CLMN: variants seen among roughly 807,000 people sequenced by gnomAD.
CLMN encodes the protein calmin (calponin-like, transmembrane).
A neutral mutation model predicts 92.7 loss-of-function variants in CLMN; 57 were observed. The ratio of observed to expected loss-of-function variants is 0.61; its 90% CI spans 0.50 to 0.77. The LOEUF (loss-of-function observed/expected upper bound fraction) is 0.77, where lower values mean the gene tolerates loss of function less well. CLMN is among the 30% of genes least tolerant of loss of function. CLMN has a pLI of 0.00. For synonymous variants in CLMN, 466 were observed against 470.6 expected, an observed-to-expected ratio of 0.99 and a Z score of 0.13; for missense variants, 1,158 against 1,237.5, an observed-to-expected ratio of 0.94 and a Z score of 0.96.
At chr14:95,219,186 C>A (rs1566874677) in intron 4 of CLMN, among the ~76,000 whole-genome samples, 1 of 152,226 alleles carries the variant, frequency 6.6e-6, no homozygotes, top group Non-Finnish European at 1.5e-5. Context: ...CTGCTGGAAG[C>A]AAACCTAGGA....
chr14:95,300,509 T>A (rs1322491159), intron 1 of CLMN, among the ~76,000 whole-genome samples: 1 of 152,206 alleles, frequency 6.6e-6, no homozygotes, highest in Non-Finnish European at 1.5e-5. Flanking sequence ...GTGTATTCGG[T>A]ACTCCAGATC....
intron 9 of CLMN, among the ~76,000 whole-genome samples, chr14:95,197,821 G>A (rs766513641): frequency 1.3e-5 from 2 of 151,958 alleles, no homozygotes; most frequent in Admixed American, 6.6e-5. Flanking sequence ...GCATTAGAGC[G>A]GCCAGGCCAT....
At chr14:95,274,505 G>A (rs1360017032) in intron 1 of CLMN, among the ~76,000 whole-genome samples, 1 of 152,116 alleles carries the variant, frequency 6.6e-6, no homozygotes, top group Non-Finnish European at 1.5e-5. Flanking sequence ...CAGCACAGCT[G>A]CAGGTATCAC....
At chr14:95,307,268 A>C (rs1901326744) in intron 1 of CLMN, among the ~76,000 whole-genome samples, 1 of 152,218 alleles carries the variant, frequency 6.6e-6, no homozygotes, top group Non-Finnish European at 1.5e-5. Context: ...ACATTCATGC[A>C]TTCAACAATA....
intron 5 of CLMN, among the ~76,000 whole-genome samples, chr14:95,214,378 C>G (rs932021579): frequency 8.5e-6 from 1 of 118,194 alleles, no homozygotes; most frequent in South Asian, 3.0e-4. Flanking sequence ...GAGACAGGAT[C>G]TCATTCTGTT....
intron 2 of CLMN, 37 bp from the exon 3 acceptor site, chr14:95,223,892 AC>A: frequency 1.4e-6 from 2 of 1,419,596 alleles, no homozygotes; most frequent in Non-Finnish European, 2.0e-6. Flanking sequence ...CCAATTAGCA[AC>A]CTGTGTGATC....
At chr14:95,251,161 G>A (rs1898768734) in intron 1 of CLMN, among the ~76,000 whole-genome samples, 1 of 152,210 alleles carries the variant, frequency 6.6e-6, no homozygotes, top group South Asian at 2.1e-4. Context: ...GGGGGTGGGT[G>A]TCGCAGGGCC....
intron 1 of CLMN, among the ~76,000 whole-genome samples, chr14:95,250,681 C>G (rs922051057): frequency 2.6e-5 from 4 of 152,334 alleles, no homozygotes; most frequent in African/African-American, 9.6e-5. Context: ...AGCTACAGAG[C>G]ATGTCATCCA....
At chr14:95,261,510 G>A (rs79756723) in intron 1 of CLMN, among the ~76,000 whole-genome samples, 32,627 of 152,150 alleles carry the variant, frequency 0.21, 4,182 homozygotes, top group African/African-American at 0.36. Flanking sequence ...AGTTTCTCCT[G>A]GGCATCTTGC....
intron 3 of CLMN, chr14:95,222,457 G>A: frequency 2.4e-6 from 1 of 421,382 alleles, no homozygotes; most frequent in South Asian, 1.7e-5. Flanking sequence ...GGCATTACAA[G>A]GCAAACCAGT....
intron 1 of CLMN, among the ~76,000 whole-genome samples, chr14:95,264,640 T>TG (rs1195096903): frequency 6.6e-6 from 1 of 152,160 alleles, no homozygotes; most frequent in Admixed American, 6.5e-5. Context: ...CCCACTTCTA[T>TG]GAGCATGTTT....
intron 4 of CLMN, among the ~76,000 whole-genome samples, chr14:95,219,229 G>A (rs1010189368): frequency 1.3e-5 from 2 of 152,224 alleles, no homozygotes; most frequent in African/African-American, 2.4e-5. Flanking sequence ...TGCAGCAGGA[G>A]GGTTTTGCCT....
At chr14:95,296,896 C>T (rs1900828730) in intron 1 of CLMN, among the ~76,000 whole-genome samples, 3 of 152,184 alleles carry the variant, frequency 2.0e-5, no homozygotes, top group Admixed American at 6.5e-5. Flanking sequence ...TCCAAAGTCA[C>T]CCCTAGGTTT....
At chr14:95,212,218 G>A (rs1437985910) in intron 6 of CLMN, among the ~76,000 whole-genome samples, 2 of 152,220 alleles carry the variant, frequency 1.3e-5, no homozygotes, top group Non-Finnish European at 1.5e-5. Flanking sequence ...CTCTTTCATG[G>A]ATTTTATTTA....
intron 1 of CLMN, among the ~76,000 whole-genome samples, chr14:95,231,292 G>A (rs1402433816): frequency 4.6e-5 from 7 of 151,552 alleles, no homozygotes; most frequent in African/African-American, 1.5e-4. Flanking sequence ...CGCCTCCCGG[G>A]TTCATGCCAT....
chr14:95,213,478 G>A, intron 5 of CLMN, 69 bp from the exon 6 acceptor site: 3 of 1,475,030 alleles, frequency 2.0e-6, no homozygotes, highest in Non-Finnish European at 2.7e-6. Context: ...TTGTCTGGCG[G>A]GTGGCCATAT....
chr14:95,261,539 G>A (rs1899256206), intron 1 of CLMN, among the ~76,000 whole-genome samples: 1 of 152,220 alleles, frequency 6.6e-6, no homozygotes. Flanking sequence ...ACGGCCCTCA[G>A]GTATAGTGCT....
At position 95,191,421 on chromosome 14, in the gene CLMN, A is replaced by AAAAC; in HGVS notation, c.*142_*143insGTTT. ...AAGGAAACCTGAAAAAAAAAAAAAA[A>AAAAC]CCACAATAGCGAGAAAGGGGGTCTA... On this transcript the variant is annotated 3_prime_UTR_variant, in exon 13 of 13. Transcript: ENST00000298912. The surrounding 1 kb of genome is among the most constrained non-coding windows in gnomAD (Gnocchi z 5.3). 1.7e-5 allele frequency: 8 copies of AAAAC among 483,538 alleles called. No individual in the cohort carries two copies. The highest frequency in any genetic ancestry group is 2.4e-5 in the Non-Finnish European group (7 of 297,124). 30.0% of individuals were successfully genotyped at this position (483,538 alleles called of 1,614,324 possible). A position where few individuals can be genotyped will look rare whatever the true frequency, so the allele number is the denominator to read the frequency against.
intron 4 of CLMN, among the ~76,000 whole-genome samples, chr14:95,221,115 G>A (rs192462857): frequency 3.1e-4 from 47 of 152,248 alleles, no homozygotes; most frequent in Admixed American, 5.2e-4. Context: ...GTTTTAACCC[G>A]GATTGATTGG....
Sources: gnomAD v4.1 joint callset for allele counts (sites outside exome capture counted in the v4.1 genomes callset) on GRCh38, gnomAD v4.1.1 for gene constraint, Gnocchi (gnomAD v3.1) non-coding constraint, MANE v1.5 for transcripts, NCBI Gene and HGNC (gene_info 2026-07-23, HGNC 2026-07-21) for gene names.